The following PDE11A variants were observed in gnomAD, a reference collection of about 807,000 sequenced individuals.
PDE11A encodes dual 3',5'-cyclic-AMP and -GMP phosphodiesterase 11A.
A neutral mutation model predicts 100.5 loss-of-function variants in PDE11A; 100 were observed. The observed-to-expected ratio is 1.00, with a 90% CI of 0.85 to 1.18. The LOEUF is 1.18. Ranked by LOEUF, PDE11A falls within the 50% of genes most tolerant of loss-of-function variation. The probability of loss-of-function intolerance (pLI) is 0.00; values close to 1 mark genes in which losing one functional copy is unlikely to be tolerated. For missense variants in PDE11A, 1,141 were observed against 1,152.6 expected (o/e 0.99, Z 0.15); for synonymous variants, 381 against 420.8 (o/e 0.91, Z 1.16).
intron 10 of PDE11A, among the ~76,000 whole-genome samples, chr2:177,734,383 G>A (rs970028147): frequency 4.6e-5 from 7 of 152,008 alleles, no homozygotes; most frequent in Non-Finnish European, 7.4e-5. Flanking sequence ...GCAGAACAGC[G>A]ATGTTATGAA....
chr2:177,951,923 ATACTT>A (rs916631809), intron 2 of PDE11A, among the ~76,000 whole-genome samples: 11 of 152,360 alleles, frequency 7.2e-5, no homozygotes, highest in African/African-American at 1.9e-4. Context: ...TTTTTAAAAA[ATACTT>A]TAAGTTCTAG....
chr2:177,651,685 T>C (rs2080311417), intron 19 of PDE11A, among the ~76,000 whole-genome samples: 1 of 152,218 alleles, frequency 6.6e-6, no homozygotes, highest in African/African-American at 2.4e-5. Flanking sequence ...TCTATTTCTC[T>C]TTTCTTCTTT....
chr2:178,107,353 C>T (rs915856550), intron 1 of PDE11A, among the ~76,000 whole-genome samples: 2 of 150,520 alleles, frequency 1.3e-5, no homozygotes, highest in African/African-American at 2.5e-5. Flanking sequence ...TCATTTGGCA[C>T]TCTATCAGCA....
chr2:177,769,227 G>A, intron 10 of PDE11A, 96 bp downstream of exon 10: 1 of 799,430 alleles, frequency 1.3e-6, no homozygotes, highest in East Asian at 2.4e-5. Context: ...AGCTCCCAAT[G>A]GGCAGGATTA....
chr2:177,803,910 A>G (rs2082829515), intron 9 of PDE11A, among the ~76,000 whole-genome samples: 1 of 151,744 alleles, frequency 6.6e-6, no homozygotes. Context: ...GGATAACCAT[A>G]TGCAGAAGAA....
At chr2:177,679,993 A>T (rs2105504486) in intron 16 of PDE11A, among the ~76,000 whole-genome samples, 1 of 152,270 alleles carries the variant, frequency 6.6e-6, no homozygotes, top group African/African-American at 2.4e-5. Context: ...CAGGAAGGTG[A>T]CATGAGGACA....
At chr2:177,859,616 C>A (rs2105666765) in intron 5 of PDE11A, among the ~76,000 whole-genome samples, 1 of 151,870 alleles carries the variant, frequency 6.6e-6, no homozygotes, top group South Asian at 2.1e-4. Flanking sequence ...TATAAAACAA[C>A]TAGACCTAAC....
chr2:178,033,133 A>G (rs1343934544), intron 1 of PDE11A, among the ~76,000 whole-genome samples: 4 of 152,212 alleles, frequency 2.6e-5, no homozygotes, highest in African/African-American at 9.6e-5. Flanking sequence ...ACCTAATGCA[A>G]GGAAGCTAAG....
intron 5 of PDE11A, among the ~76,000 whole-genome samples, chr2:177,872,198 G>A (rs565631495): frequency 3.3e-5 from 5 of 152,142 alleles, no homozygotes; most frequent in Non-Finnish European, 5.9e-5. Context: ...ACTGTTGAAG[G>A]AAGGAATAAC....
chr2:177,807,839 A>G (rs961821339), intron 9 of PDE11A, among the ~76,000 whole-genome samples: 1 of 152,218 alleles, frequency 6.6e-6, no homozygotes, highest in Non-Finnish European at 1.5e-5. Context: ...AAATATCTAC[A>G]CGATTACTAC....
At chr2:177,786,693 A>G (rs1398654374) in intron 9 of PDE11A, among the ~76,000 whole-genome samples, 1 of 152,206 alleles carries the variant, frequency 6.6e-6, no homozygotes, top group African/African-American at 2.4e-5. Context: ...AAGTGCTTAA[A>G]GGAGCTGATG....
intron 16 of PDE11A, among the ~76,000 whole-genome samples, chr2:177,678,918 C>A (rs1406542093): frequency 6.7e-6 from 1 of 149,568 alleles, no homozygotes; most frequent in African/African-American, 2.5e-5. Flanking sequence ...TAGAAGGATG[C>A]TGAGGAAAAA....
intron 4 of PDE11A, among the ~76,000 whole-genome samples, chr2:177,889,544 T>G (rs1218122941): frequency 6.6e-6 from 1 of 152,182 alleles, no homozygotes; most frequent in Non-Finnish European, 1.5e-5. Context: ...ATACTTAGTT[T>G]GGACCTCTGT....
chr2:178,007,477 G>T (rs1287895506), intron 2 of PDE11A, among the ~76,000 whole-genome samples: 1 of 152,160 alleles, frequency 6.6e-6, no homozygotes, highest in Non-Finnish European at 1.5e-5. Flanking sequence ...TAGTTTCACA[G>T]TGATCATATG....
intron 2 of PDE11A, among the ~76,000 whole-genome samples, chr2:177,956,510 C>T (rs2085564695): frequency 6.6e-6 from 1 of 152,178 alleles, no homozygotes; most frequent in African/African-American, 2.4e-5. Context: ...GGTGATTCCT[C>T]AGGGATCTAG....
In PDE11A at chr2:177,628,628, TA is replaced by T. The variant is rs976914747; in HGVS notation, c.*778del. ...TATAGTTTCTAGATGTCACTTGTGG[TA>T]AATCCAGCTACAGATTTCCTTCCAC... On this transcript the variant is annotated 3_prime_UTR_variant, in exon 20 of 20. Transcript: ENST00000286063. 3 of 152,384 alleles carry T rather than the reference TA, an allele frequency of 2.0e-5. No homozygotes were observed. Among genetic ancestry groups the T allele is most frequent in the Non-Finnish European group, 4.4e-5 (3 of 68,176 alleles). The allele number at this position is 152,384 out of a possible 1,614,324, so 9.4% of individuals were successfully genotyped here.
intron 1 of PDE11A, among the ~76,000 whole-genome samples, chr2:178,031,331 C>A (rs2086545025): frequency 6.6e-6 from 1 of 151,978 alleles, no homozygotes. Context: ...GAGGTTCTTG[C>A]ACAGTAGGAG....
At chr2:177,719,033 A>C (rs2081485901) in intron 12 of PDE11A, among the ~76,000 whole-genome samples, 1 of 152,160 alleles carries the variant, frequency 6.6e-6, no homozygotes, top group African/African-American at 2.4e-5. Flanking sequence ...ACTGTTTTCT[A>C]AAGAGAAGCT....
chr2:177,734,283 G>A (rs932430900), intron 10 of PDE11A, among the ~76,000 whole-genome samples: 2 of 152,120 alleles, frequency 1.3e-5, no homozygotes, highest in East Asian at 1.9e-4. Flanking sequence ...GAATCAACTC[G>A]AATACTCCCA....
Sources: allele counts gnomAD v4.1 joint callset (sites outside exome capture counted in the v4.1 genomes callset), GRCh38; gene constraint gnomAD v4.1.1; transcripts MANE v1.5; gene names NCBI Gene and HGNC (gene_info 2026-07-23, HGNC 2026-07-21).